The following PTPRT variants were observed in gnomAD, a reference collection of about 807,000 sequenced individuals.
PTPRT encodes receptor-type tyrosine-protein phosphatase T.
In PTPRT, 56 loss-of-function variants were observed where a neutral mutation model predicts 176.8. The ratio of observed to expected loss-of-function variants is 0.32; its 90% confidence interval spans 0.26 to 0.40. The LOEUF is 0.40. Ranked by LOEUF, PTPRT falls within the 10% of genes least tolerant of loss-of-function variation. The pLI is 1.00. For missense variants in PTPRT, 1,540 were observed against 1,908.2 expected, an observed-to-expected ratio of 0.81 and a Z score of 3.60; for synonymous variants, 783 against 739.0, an observed-to-expected ratio of 1.06 and a Z score of -0.96.
intron 7 of PTPRT, among the ~76,000 whole-genome samples, chr20:42,496,185 G>A (rs181520002): frequency 6.6e-6 from 1 of 152,232 alleles, no homozygotes; most frequent in African/African-American, 2.4e-5. Flanking sequence ...AGAAAGAAGA[G>A]GGGTCGGCTT....
chr20:43,143,669 G>T (rs573480053), intron 1 of PTPRT, among the ~76,000 whole-genome samples: 25 of 152,260 alleles, frequency 1.6e-4, no homozygotes, highest in South Asian at 1.2e-3. Context: ...CTAAGGAAAG[G>T]GTACTGGGAT....
At chr20:42,306,631 CGG>C (rs1429064585) in intron 12 of PTPRT, among the ~76,000 whole-genome samples, 2 of 152,132 alleles carry the variant, frequency 1.3e-5, no homozygotes, top group Non-Finnish European at 2.9e-5. Context: ...AGTCAGCAAA[CGG>C]TTACGTGGGG....
intron 16 of PTPRT, among the ~76,000 whole-genome samples, chr20:42,167,862 G>A (rs1989894334): frequency 1.3e-5 from 2 of 152,298 alleles, no homozygotes; most frequent in Admixed American, 6.5e-5. Context: ...TAACATGGAG[G>A]TTAGGGGAAC....
intron 6 of PTPRT, among the ~76,000 whole-genome samples, chr20:42,753,914 AGAGTG>A (rs2076796066): frequency 6.6e-6 from 1 of 152,174 alleles, no homozygotes; most frequent in Non-Finnish European, 1.5e-5. Context: ...TGGGAATTTC[AGAGTG>A]CTAAACTAAC....
intron 17 of PTPRT, among the ~76,000 whole-genome samples, chr20:42,160,950 G>C (rs1390077912): frequency 6.6e-6 from 1 of 152,174 alleles, no homozygotes; most frequent in Non-Finnish European, 1.5e-5. Context: ...ATCATTGGCA[G>C]GGGAGATGTG....
intron 16 of PTPRT, among the ~76,000 whole-genome samples, chr20:42,191,725 C>T (rs886425525): frequency 6.6e-6 from 1 of 152,112 alleles, no homozygotes. Context: ...CAAAGGCCAG[C>T]ACGTGGTTGC....
chr20:42,444,818 T>A (rs919852323), intron 9 of PTPRT, among the ~76,000 whole-genome samples: 14 of 152,246 alleles, frequency 9.2e-5, no homozygotes, highest in African/African-American at 3.1e-4. Context: ...TGGTTTCATC[T>A]AATTAAATTT....
chr20:42,176,185 C>A (rs1476685923), intron 16 of PTPRT, among the ~76,000 whole-genome samples: 2 of 152,060 alleles, frequency 1.3e-5, no homozygotes, highest in Non-Finnish European at 1.5e-5. Context: ...GTTAGGTACA[C>A]CTTGCTCTCT....
intron 2 of PTPRT, among the ~76,000 whole-genome samples, chr20:42,794,016 T>G (rs1269247837): frequency 6.6e-6 from 1 of 152,188 alleles, no homozygotes; most frequent in African/African-American, 2.4e-5. Context: ...CTTGGCTCCT[T>G]ACAATCCACT....
the PTPRT span, among the ~76,000 whole-genome samples, chr20:42,038,971 G>A: frequency 5.9e-5 from 9 of 152,216 alleles, no homozygotes; most frequent in East Asian, 1.9e-4. Flanking sequence ...ACTTCTCCCC[G>A]ATACTTCCTA....
intron 1 of PTPRT, among the ~76,000 whole-genome samples, chr20:42,954,759 G>A (rs1351139475): frequency 6.6e-6 from 1 of 152,142 alleles, no homozygotes; most frequent in Non-Finnish European, 1.5e-5. Flanking sequence ...GACCTGAGCT[G>A]AGCAATATAT....
chr20:42,046,510 G>C, the PTPRT span, among the ~76,000 whole-genome samples: 1 of 152,178 alleles, frequency 6.6e-6, no homozygotes, highest in African/African-American at 2.4e-5. Flanking sequence ...TAACCCCAGG[G>C]CAGGAAGGAG....
intron 23 of PTPRT, among the ~76,000 whole-genome samples, chr20:42,109,942 G>A (rs977418881): frequency 9.2e-5 from 14 of 152,150 alleles, no homozygotes; most frequent in African/African-American, 2.9e-4. Flanking sequence ...GCATGGGGGG[G>A]ACACAGGAAG....
chr20:43,079,439 T>G (rs1228258081), intron 1 of PTPRT, among the ~76,000 whole-genome samples: 1 of 152,142 alleles, frequency 6.6e-6, no homozygotes, highest in East Asian at 1.9e-4. Context: ...CCTCTGGAAA[T>G]GCTGTGATAT....
At chr20:43,099,931 G>A (rs1464485343) in intron 1 of PTPRT, among the ~76,000 whole-genome samples, 1 of 152,118 alleles carries the variant, frequency 6.6e-6, no homozygotes, top group African/African-American at 2.4e-5. Context: ...TGCCTTGGGA[G>A]CTCCCACAGA....
chr20:42,325,006 G>C (rs1476879166), intron 11 of PTPRT, among the ~76,000 whole-genome samples: 1 of 152,132 alleles, frequency 6.6e-6, no homozygotes, highest in East Asian at 1.9e-4. Context: ...CATTTATTGG[G>C]TGATGATAGC....
At chr20:42,135,015 C>T (rs544721475) in intron 18 of PTPRT, among the ~76,000 whole-genome samples, 14 of 152,332 alleles carry the variant, frequency 9.2e-5, no homozygotes, top group East Asian at 1.9e-4. Context: ...CTGGCAGTTG[C>T]GCCTGGATCC....
intron 15 of PTPRT, among the ~76,000 whole-genome samples, chr20:42,229,279 G>C (rs947031891): frequency 1.3e-5 from 2 of 152,162 alleles, no homozygotes; most frequent in African/African-American, 4.8e-5. Context: ...TTCCCACCAA[G>C]GTTCTCCTCT....
chr20:42,771,454 T>G lies in PTPRT; in HGVS notation c.665A>C (p.His222Pro). 6.2e-7 allele frequency: 1 copy of G among 1,614,046 alleles called. No homozygotes were observed. The highest frequency in any genetic ancestry group is 8.5e-7 in the Non-Finnish European group (1 of 1,179,928). ...QCIAGGKWSQ[H>P]DKLWLQQWNG... ...GCTTACCTGGAGCCAAAGCTTGTCA[T>G]GCTGAGACCACTTCCCACCAGCAAT... The change falls in exon 5 of 31, where the codon CAT becomes CCT. Residue 222 changes from histidine (H) to proline (P), a missense_variant. Coordinates refer to ENST00000373187, the MANE Select transcript of PTPRT (RefSeq NM_007050.6).
Sources: allele counts gnomAD v4.1 joint callset (sites outside exome capture counted in the v4.1 genomes callset), GRCh38; gene constraint gnomAD v4.1.1; transcripts MANE v1.5; gene names NCBI Gene and HGNC (gene_info 2026-07-23, HGNC 2026-07-21).